Variants in DHX35 observed in about 807,000 individuals in gnomAD.
DHX35 encodes the protein probable ATP-dependent RNA helicase DHX35.
In DHX35, 84 loss-of-function variants were observed where a neutral mutation model predicts 99.6. The ratio of observed to expected loss-of-function variants is 0.84; its 90% confidence interval spans 0.71 to 1.01. The LOEUF (loss-of-function observed/expected upper bound fraction) is 1.01. Among genes scored for constraint, DHX35 ranks in the 50% least tolerant of loss-of-function variants. DHX35 has a pLI of 0.00. For missense variants in DHX35, 852 were observed against 888.5 expected (o/e 0.96, Z 0.52); for synonymous variants, 331 against 316.2 (o/e 1.05, Z -0.50).
intron 12 of DHX35, 124 bp downstream of exon 12, chr20:39,006,480 C>A: frequency 1.0e-6 from 1 of 1,001,890 alleles, no homozygotes; most frequent in Non-Finnish European, 1.5e-6. Context: ...TCACAAGGCC[C>A]TGTGTAATCA....
chr20:39,023,745 A>T lies in DHX35; in HGVS notation c.1649A>T (p.Asn550Ile). 1 of 1,614,042 alleles carries T rather than the reference A, an allele frequency of 6.2e-7. No homozygotes were observed. The highest frequency in any genetic ancestry group is 8.5e-7 in the Non-Finnish European group (1 of 1,179,926). The change falls in exon 17 of 22, where the codon AAT (asparagine) becomes ATT (isoleucine). Residue 550 changes from asparagine to isoleucine, a missense_variant. Coordinates refer to ENST00000252011, the MANE Select transcript of DHX35 (RefSeq NM_021931.4). Reference protein sequence around the residue: ...VEEGDHLTMLNIYEAFIKHNK... With the variant: ...VEEGDHLTMLIIYEAFIKHNK... ...GAGGGCGACCACCTCACTATGCTCA[A>T]TATATATGAAGCATTTATCAAAGTA...
intron 3 of DHX35, chr20:38,977,628 A>G (rs73908224): frequency 0.012 from 4,036 of 336,618 alleles, 168 homozygotes; most frequent in African/African-American, 0.083. Context: ...AGTCTTGGCA[A>G]TGGAACCTGG....
Position 39,027,505 on chromosome 20 carries a change from T to C in DHX35, c.1802-913T>C, listed in dbSNP as rs561634494. On this transcript the variant is annotated intron_variant, in intron 18 of 21. Coordinates refer to ENST00000252011, the MANE Select transcript of DHX35 (RefSeq NM_021931.4). ...GCCGATAGTAATCAAATAAATGTAATATAAAAGAAGGTAACAGAAGGTAAC... is the reference window on the plus strand; with the variant it reads ...GCCGATAGTAATCAAATAAATGTAACATAAAAGAAGGTAACAGAAGGTAAC... Among the ~76,000 whole-genome samples the C allele has an allele frequency of 5.4e-4, 83 of 152,308 alleles. 1 individual carries two copies. The South Asian group carries it at 0.011, about 21-fold the overall frequency.
intron 7 of DHX35, among the ~76,000 whole-genome samples, chr20:38,992,682 T>C (rs1364205145): frequency 6.6e-6 from 1 of 152,138 alleles, no homozygotes. Flanking sequence ...GATTGAATTA[T>C]ATATACTAAT....
At chr20:38,986,208 CT>C (rs2086247371) in intron 4 of DHX35, among the ~76,000 whole-genome samples, 1 of 136,432 alleles carries the variant, frequency 7.3e-6, no homozygotes, top group Admixed American at 7.4e-5. Flanking sequence ...TTTTTTTGGT[CT>C]TTTACCTCCC....
intron 11 of DHX35, among the ~76,000 whole-genome samples, chr20:39,004,363 C>A (rs1316909917): frequency 6.6e-6 from 1 of 152,198 alleles, no homozygotes; most frequent in Non-Finnish European, 1.5e-5. Flanking sequence ...CCGTGCCCGG[C>A]CTGTTGTGAA....
intron 18 of DHX35, 28 bp downstream of exon 18, chr20:39,025,387 C>A (rs2086941289): frequency 6.2e-7 from 1 of 1,608,232 alleles, no homozygotes. Context: ...CAGCTGGTGA[C>A]CTCCCTTGCT....
intron 16 of DHX35, among the ~76,000 whole-genome samples, chr20:39,023,484 G>C (rs1290696392): frequency 6.6e-6 from 1 of 151,874 alleles, no homozygotes. Flanking sequence ...AGTAGCTGGG[G>C]CTTAGAGGCA....
intron 3 of DHX35, among the ~76,000 whole-genome samples, chr20:38,974,125 G>A (rs2086041904): frequency 6.6e-6 from 1 of 152,150 alleles, no homozygotes; most frequent in South Asian, 2.1e-4. Flanking sequence ...TATTCAAAGT[G>A]GTTGTGTCCT....
At chr20:39,007,004 A>C (rs2086629529) in intron 12 of DHX35, among the ~76,000 whole-genome samples, 1 of 152,206 alleles carries the variant, frequency 6.6e-6, no homozygotes, top group South Asian at 2.1e-4. Flanking sequence ...TCTGTGGGGA[A>C]TGCTGCTGAC....
At chr20:39,010,506 A>G (rs1242680856) in intron 13 of DHX35, 102 bp downstream of exon 13, 4 of 1,482,110 alleles carry the variant, frequency 2.7e-6, no homozygotes, top group East Asian at 4.8e-5. Flanking sequence ...TTTTTTCCCT[A>G]CTCAGGTCAT....
chr20:38,962,452 T>C, intron 1 of DHX35, 45 bp downstream of exon 1: 1 of 1,601,524 alleles, frequency 6.2e-7, no homozygotes, highest in Non-Finnish European at 8.5e-7. Context: ...CGGCCTGACT[T>C]CGGTCTTGGC....
intron 21 of DHX35, among the ~76,000 whole-genome samples, chr20:39,037,236 A>G (rs943674233): frequency 3.9e-5 from 6 of 152,244 alleles, no homozygotes; most frequent in Non-Finnish European, 1.5e-5. Flanking sequence ...GAGAATTCAG[A>G]GAAATTCAGC....
At position 38,973,340 on chromosome 20, in the gene DHX35, A is replaced by G. The variant is rs1452758344; in HGVS notation, c.267+689A>G. ...TTGAGGTATGACATATATGTAGGAA[A>G]GTACCTATATCATAATTGTACACCT... On this transcript the variant is annotated intron_variant, in intron 3 of 21. Transcript: ENST00000252011. Among the ~76,000 whole-genome samples, 11 of 152,328 alleles carry G rather than the reference A, an allele frequency of 7.2e-5. No homozygotes were observed. The East Asian group carries it at 7.7e-4, about 11-fold the overall frequency.
intron 3 of DHX35, chr20:38,977,693 C>G: frequency 2.7e-6 from 1 of 369,140 alleles, no homozygotes; most frequent in Admixed American, 4.3e-5. Context: ...ATAAAAAGAA[C>G]AGCCAGATAT....
intron 6 of DHX35, among the ~76,000 whole-genome samples, chr20:38,991,864 C>G (rs954648458): frequency 2.6e-5 from 4 of 152,178 alleles, no homozygotes; most frequent in Non-Finnish European, 5.9e-5. Context: ...TCACTTCCCC[C>G]TCTTTGTCTA....
chr20:39,022,374 G>A (rs2086887745), intron 16 of DHX35, among the ~76,000 whole-genome samples: 1 of 152,130 alleles, frequency 6.6e-6, no homozygotes, highest in Admixed American at 6.5e-5. Context: ...GGCCAGGCCG[G>A]TCTCGAACTC....
chr20:39,027,532 C>CT (rs2086977121), intron 18 of DHX35, among the ~76,000 whole-genome samples: 1 of 152,126 alleles, frequency 6.6e-6, no homozygotes, highest in Non-Finnish European at 1.5e-5. Context: ...GAAGGTAACA[C>CT]TTTTTGCCAA....
At chr20:39,037,776 C>A (rs2087179337) in intron 21 of DHX35, among the ~76,000 whole-genome samples, 1 of 152,194 alleles carries the variant, frequency 6.6e-6, no homozygotes. Flanking sequence ...ACACACTCTG[C>A]CTCAAAGGCA....
Sources: allele counts gnomAD v4.1 joint callset (sites outside exome capture counted in the v4.1 genomes callset), GRCh38; gene constraint gnomAD v4.1.1; transcripts MANE v1.5; gene names NCBI Gene and HGNC (gene_info 2026-07-23, HGNC 2026-07-21).